Variants in TRPC7 observed in about 807,000 individuals in gnomAD.
The protein encoded by TRPC7 is transient receptor potential cation channel subfamily C member 7.
TRPC7 carries 42 observed loss-of-function variants against 90.1 expected under a neutral mutation model. The ratio of observed to expected loss-of-function variants is 0.47; its 90% CI spans 0.36 to 0.60. The LOEUF (loss-of-function observed/expected upper bound fraction) is 0.60. TRPC7 is among the 20% of genes least tolerant of loss of function. The pLI is 0.00. For missense variants in TRPC7, 955 were observed against 1,112.3 expected (o/e 0.86, Z 2.01); for synonymous variants, 451 against 436.3 (o/e 1.03, Z -0.42).
chr5:136,319,560 C>A (rs1354200979), intron 2 of TRPC7, among the ~76,000 whole-genome samples: 1 of 152,170 alleles, frequency 6.6e-6, no homozygotes, highest in African/African-American at 2.4e-5. Flanking sequence ...ATAGGGTTGT[C>A]TACATTCATG....
At chr5:136,233,900 T>A (rs2149798188) in intron 7 of TRPC7, among the ~76,000 whole-genome samples, 1 of 152,326 alleles carries the variant, frequency 6.6e-6, no homozygotes, top group South Asian at 2.1e-4. Flanking sequence ...CCCTGATTTA[T>A]CCTTGGTGCC....
At chr5:136,222,782 A>G (rs989761441) in intron 10 of TRPC7, among the ~76,000 whole-genome samples, 3 of 152,134 alleles carry the variant, frequency 2.0e-5, no homozygotes, top group African/African-American at 7.2e-5. Context: ...GTGGTGAGAG[A>G]GGGGGGGCCC....
rs1756393097 is a variant in TRPC7, at chr5:136,247,824, G to T, written c.1580-89C>A. ...TAGGCATCTTTAGAGGTCTCCAACTGCATCATTTGCCATTCTTGTCCTTGT... is the reference window on the plus strand; with the variant it reads ...TAGGCATCTTTAGAGGTCTCCAACTTCATCATTTGCCATTCTTGTCCTTGT... On this transcript the variant is annotated intron_variant, in intron 6 of 11. Coordinates refer to ENST00000513104, the MANE Select transcript of TRPC7 (RefSeq NM_020389.3). The surrounding 1 kb of genome is among the most constrained non-coding windows in gnomAD (Gnocchi z 4.2). 2 of 1,453,008 alleles carry T rather than the reference G, an allele frequency of 1.4e-6. No homozygotes were observed. The highest frequency in any genetic ancestry group is 1.4e-5 in the African/African-American group (1 of 70,472). 90.0% of individuals were successfully genotyped at this position (1,453,008 alleles called of 1,614,324 possible).
At chr5:136,304,779 C>T (rs1758547636) in intron 3 of TRPC7, among the ~76,000 whole-genome samples, 1 of 152,178 alleles carries the variant, frequency 6.6e-6, no homozygotes, top group Non-Finnish European at 1.5e-5. Flanking sequence ...GCTCTCCCTG[C>T]TAATCATGTC....
At position 136,213,554 on chromosome 5, in the gene TRPC7, G is replaced by A; in HGVS notation, c.2470C>T (p.Leu824Phe). The change falls in exon 12 of 12, where the codon CTT becomes TTT. Residue 824 changes from leucine to phenylalanine, a missense_variant. This residue lies in a region of TRPC7 where 296 missense variants were observed against 422.7 expected (regional missense o/e 0.70). Coordinates refer to ENST00000513104, the MANE Select transcript of TRPC7 (RefSeq NM_020389.3). ...CCAGTAGCTTGAGATTTTTCCTCAA[G>A]AAGCTCATAGCGCAGGCTGGAGATA... ...QDISSLRYELLEEKSQATGEL... is the reference protein window; with the variant it reads ...QDISSLRYELFEEKSQATGEL... 1 of 1,614,060 alleles carries A rather than the reference G, an allele frequency of 6.2e-7. No homozygotes were observed. The highest frequency in any genetic ancestry group is 1.3e-5 in the African/African-American group (1 of 75,070).
chr5:136,345,574 A>T (rs1018500041), intron 2 of TRPC7, among the ~76,000 whole-genome samples: 1 of 151,956 alleles, frequency 6.6e-6, no homozygotes, highest in Non-Finnish European at 1.5e-5. Context: ...AAAAAAAATG[A>T]GTCCTTTGTA....
chr5:136,331,367 G>T (rs1032472854), intron 2 of TRPC7, among the ~76,000 whole-genome samples: 2 of 152,128 alleles, frequency 1.3e-5, no homozygotes, highest in Admixed American at 6.5e-5. Flanking sequence ...TCTAGGGTGT[G>T]CTGAGCTCTG....
chr5:136,251,985 CTTTG>C, intron 5 of TRPC7, 103 bp from the exon 6 acceptor site: 2 of 926,856 alleles, frequency 2.2e-6, no homozygotes, highest in Non-Finnish European at 3.4e-6. Flanking sequence ...AATATCAGCT[CTTTG>C]GAGCTGGGAC....
intron 7 of TRPC7, among the ~76,000 whole-genome samples, chr5:136,238,412 G>GACA (rs1345072380): frequency 6.6e-6 from 1 of 152,152 alleles, no homozygotes; most frequent in Non-Finnish European, 1.5e-5. Flanking sequence ...TTTTGTCAAT[G>GACA]GATGATGGAA....
Position 136,356,023 on chromosome 5 carries a change from G to T in TRPC7, c.780+585C>A, listed in dbSNP as rs148813637. ...GCTTTCGCCTGAGCTCGTCTACTAG[G>T]TTGACACACTCTACAGAGACAGTTT... On this transcript the variant is annotated intron_variant, in intron 2 of 11. Transcript: ENST00000513104. Among the ~76,000 whole-genome samples the T allele has an allele frequency of 3.4e-3, 516 of 152,210 alleles. 1 individual carries two copies. Among genetic ancestry groups the T allele is most frequent in the African/African-American group, 0.011 (474 of 41,528 alleles).
At chr5:136,311,022 C>G (rs1758810130) in intron 3 of TRPC7, among the ~76,000 whole-genome samples, 1 of 152,064 alleles carries the variant, frequency 6.6e-6, no homozygotes, top group African/African-American at 2.4e-5. Context: ...ACACATTTTT[C>G]TTTTTTCCCC....
chr5:136,290,197 CAG>C (rs1757888706), intron 3 of TRPC7, among the ~76,000 whole-genome samples: 1 of 152,152 alleles, frequency 6.6e-6, no homozygotes, highest in Non-Finnish European at 1.5e-5. Context: ...GGGGAAAAAA[CAG>C]AGCAGAAAAA....
intron 3 of TRPC7, among the ~76,000 whole-genome samples, chr5:136,294,635 A>C (rs191820974): frequency 6.6e-6 from 1 of 152,132 alleles, no homozygotes; most frequent in African/African-American, 2.4e-5. Context: ...AAAAGTCAGG[A>C]AACAACAGGT....
intron 2 of TRPC7, among the ~76,000 whole-genome samples, chr5:136,320,489 C>T (rs1403041482): frequency 2.0e-5 from 3 of 152,148 alleles, no homozygotes; most frequent in South Asian, 4.1e-4. Context: ...AAAGTGGGGT[C>T]GTCAGTCACT....
chr5:136,223,484 A>C (rs1755526330), intron 10 of TRPC7, among the ~76,000 whole-genome samples: 1 of 152,092 alleles, frequency 6.6e-6, no homozygotes, highest in South Asian at 2.1e-4. Context: ...ATGGTGGCGC[A>C]TGCCTGTAAT....
At chr5:136,274,548 C>A in intron 4 of TRPC7, 125 bp downstream of exon 4, 1 of 1,073,632 alleles carries the variant, frequency 9.3e-7, no homozygotes, top group Non-Finnish European at 1.2e-6. Flanking sequence ...CACCGGGTAT[C>A]TCAGGAATAT....
At chr5:136,241,642 G>A (rs1756168876) in intron 7 of TRPC7, among the ~76,000 whole-genome samples, 1 of 151,322 alleles carries the variant, frequency 6.6e-6, no homozygotes, top group Non-Finnish European at 1.5e-5. Context: ...TGCAACCTCC[G>A]CCTCCCAGGT....
At chr5:136,231,904 C>A (rs1376162822) in intron 7 of TRPC7, among the ~76,000 whole-genome samples, 1 of 152,132 alleles carries the variant, frequency 6.6e-6, no homozygotes, top group African/African-American at 2.4e-5. Flanking sequence ...TGCATCTGGC[C>A]AGCTTGAACT....
intron 1 of TRPC7, among the ~76,000 whole-genome samples, chr5:136,359,018 A>G (rs1275858937): frequency 1.3e-5 from 2 of 152,196 alleles, no homozygotes; most frequent in Admixed American, 6.5e-5. Context: ...CACTTTAGCC[A>G]TTTTTAAAAA....
Sources: allele counts gnomAD v4.1 joint callset (sites outside exome capture counted in the v4.1 genomes callset), GRCh38; gene constraint gnomAD v4.1.1; regional missense constraint gnomAD v4.1.1; non-coding constraint Gnocchi (gnomAD v3.1); transcripts MANE v1.5; gene names NCBI Gene and HGNC (gene_info 2026-07-23, HGNC 2026-07-21).